Variants in CDH9 observed in about 807,000 individuals in gnomAD.
The protein encoded by CDH9 is cadherin 9, also known as cadherin-9.
CDH9 carries 28 observed loss-of-function variants against 70.9 expected under a neutral mutation model. The observed-to-expected ratio is 0.40, with a 90% CI of 0.29 to 0.54. The LOEUF is 0.54. Ranked by LOEUF, CDH9 falls within the 20% of genes least tolerant of loss-of-function variation. The pLI is 0.59. For synonymous variants in CDH9, 409 were observed against 343.1 expected (o/e 1.19, Z -2.12); for missense variants, 874 against 984.4 (o/e 0.89, Z 1.50).
At chr5:26,965,574 T>TTAATAATAATAA (rs59563835) in intron 2 of CDH9, among the ~76,000 whole-genome samples, 7,462 of 146,614 alleles carry the variant, frequency 0.051, 215 homozygotes, top group African/African-American at 0.071. Context: ...AGACTCTGTC[T>TTAATAATAATAA]TAATAATAAT....
intron 1 of CDH9, among the ~76,000 whole-genome samples, chr5:26,998,750 C>T (rs997505237): frequency 6.6e-6 from 1 of 151,488 alleles, no homozygotes; most frequent in African/African-American, 2.4e-5. Context: ...AAAAGAAAAT[C>T]AGAGGAAAAG....
At chr5:26,989,061 C>A (rs1742537017) in intron 1 of CDH9, among the ~76,000 whole-genome samples, 1 of 151,852 alleles carries the variant, frequency 6.6e-6, no homozygotes, top group South Asian at 2.1e-4. Context: ...AAGCATTTTA[C>A]ATGGTAATTA....
At chr5:26,883,044 TATATATATATA>T (rs1740495019) in intron 11 of CDH9, among the ~76,000 whole-genome samples, 1 of 28,146 alleles carries the variant, frequency 3.6e-5, no homozygotes, top group African/African-American at 1.2e-4. Context: ...GATCATCTTA[TATATATATATA>T]TATATATATA....
chr5:26,963,448 T>C (rs1301180114), intron 2 of CDH9, among the ~76,000 whole-genome samples: 1 of 152,150 alleles, frequency 6.6e-6, no homozygotes, highest in Non-Finnish European at 1.5e-5. Flanking sequence ...TTTTGGTTTA[T>C]GATGATAGCA....
chr5:26,989,372 A>G (rs1207599799), intron 1 of CDH9, among the ~76,000 whole-genome samples: 1 of 152,096 alleles, frequency 6.6e-6, no homozygotes, highest in Non-Finnish European at 1.5e-5. Flanking sequence ...CTAGTAGGCA[A>G]AAAAGTCATT....
rs542157408 is a variant in CDH9, at chr5:27,031,839, A to G, written c.-50+6624T>C. 3.3e-5 allele frequency among the ~76,000 whole-genome samples: 5 copies of G among 152,048 alleles called. No individual in the cohort carries two copies. The East Asian group carries it at 9.7e-4, about 30-fold the overall frequency. On this transcript the variant is annotated intron_variant, in intron 1 of 11. Transcript: ENST00000231021. The stretch of plus-strand genomic sequence containing the variant: ...TCATTTGGTCTCTGTAGGTTTCAAC[A>G]TTAATCTTTGGGTATAAATGCTTAT...
chr5:27,010,594 C>T (rs1453141838), intron 1 of CDH9, among the ~76,000 whole-genome samples: 1 of 152,150 alleles, frequency 6.6e-6, no homozygotes, highest in Admixed American at 6.6e-5. Flanking sequence ...GAAAATCCTA[C>T]ATTGAGTGCA....
chr5:26,959,637 A>G (rs1469422872), intron 2 of CDH9, among the ~76,000 whole-genome samples: 1 of 152,128 alleles, frequency 6.6e-6, no homozygotes, highest in East Asian at 1.9e-4. Flanking sequence ...ACAAAATGCA[A>G]TGTATCAATT....
intron 2 of CDH9, among the ~76,000 whole-genome samples, chr5:26,922,189 C>T (rs1458509348): frequency 4.0e-5 from 6 of 151,822 alleles, no homozygotes; most frequent in Admixed American, 6.6e-5. Flanking sequence ...TAACAGAGAA[C>T]TTCCAAAATT....
chr5:26,884,748 A>G (rs941678179), intron 11 of CDH9, among the ~76,000 whole-genome samples: 1 of 152,242 alleles, frequency 6.6e-6, no homozygotes, highest in Admixed American at 6.6e-5. Context: ...ATTAGAACAT[A>G]AATTTGGCTA....
At chr5:26,979,193 A>G (rs1367092556) in intron 2 of CDH9, among the ~76,000 whole-genome samples, 2 of 151,712 alleles carry the variant, frequency 1.3e-5, no homozygotes, top group African/African-American at 4.8e-5. Context: ...TACAATATAT[A>G]TAAGAAAAAT....
At chr5:26,896,842 GAC>G in intron 7 of CDH9, among the ~76,000 whole-genome samples, 1 of 151,888 alleles carries the variant, frequency 6.6e-6, no homozygotes, top group East Asian at 1.9e-4. Context: ...AGGAGATAGA[GAC>G]ACAAAAAAAC....
intron 1 of CDH9, among the ~76,000 whole-genome samples, chr5:26,997,007 C>T (rs1742677298): frequency 6.6e-6 from 1 of 151,724 alleles, no homozygotes; most frequent in African/African-American, 2.4e-5. Context: ...TCATGCCTTC[C>T]CTAAGGCAAA....
intron 1 of CDH9, among the ~76,000 whole-genome samples, chr5:27,002,091 C>A (rs1742781013): frequency 6.6e-6 from 1 of 151,930 alleles, no homozygotes; most frequent in South Asian, 2.1e-4. Context: ...AACAAACAAC[C>A]CCATCAAAAA....
intron 2 of CDH9, among the ~76,000 whole-genome samples, chr5:26,962,358 C>A (rs1192994002): frequency 6.6e-6 from 1 of 152,128 alleles, no homozygotes; most frequent in Non-Finnish European, 1.5e-5. Context: ...ATTGCTGGGT[C>A]AAATGATATT....
At chr5:26,923,135 A>G (rs932659078) in intron 2 of CDH9, among the ~76,000 whole-genome samples, 3 of 151,290 alleles carry the variant, frequency 2.0e-5, no homozygotes, top group Non-Finnish European at 3.0e-5. Flanking sequence ...GATGAAAAAA[A>G]GAAAGACAAA....
intron 1 of CDH9, among the ~76,000 whole-genome samples, chr5:27,016,578 C>T (rs894047513): frequency 1.3e-5 from 2 of 151,638 alleles, no homozygotes; most frequent in African/African-American, 4.8e-5. Context: ...TTAGTTCTGT[C>T]GATTTTGAGA....
At chr5:27,005,131 C>A (rs1365222329) in intron 1 of CDH9, among the ~76,000 whole-genome samples, 1 of 152,004 alleles carries the variant, frequency 6.6e-6, no homozygotes, top group African/African-American at 2.4e-5. Flanking sequence ...TATAATAAAT[C>A]TTTAAGTATT....
At chr5:26,977,638 A>T (rs1437444438) in intron 2 of CDH9, among the ~76,000 whole-genome samples, 4 of 152,002 alleles carry the variant, frequency 2.6e-5, no homozygotes, top group African/African-American at 7.2e-5. Context: ...TATGAAGTTT[A>T]AGAATTAAGG....
Sources: gnomAD v4.1 joint callset for allele counts (sites outside exome capture counted in the v4.1 genomes callset) on GRCh38, gnomAD v4.1.1 for gene constraint, MANE v1.5 for transcripts, NCBI Gene and HGNC (gene_info 2026-07-23, HGNC 2026-07-21) for gene names.